Variants in PIP5K1B observed in about 807,000 individuals in gnomAD.
PIP5K1B encodes the protein phosphatidylinositol 4-phosphate 5-kinase type-1 beta.
A neutral mutation model predicts 67.0 loss-of-function variants in PIP5K1B; 42 were observed. That is an observed-to-expected ratio of 0.63 (90% CI 0.49 to 0.81). The LOEUF is 0.81. PIP5K1B is among the 30% of genes least tolerant of loss of function. The pLI, the probability that PIP5K1B is intolerant of heterozygous loss-of-function variation, is 0.00. For synonymous variants in PIP5K1B, 214 were observed against 231.4 expected, an observed-to-expected ratio of 0.92 and a Z score of 0.68; for missense variants, 459 against 646.3, an observed-to-expected ratio of 0.71 and a Z score of 3.14.
At chr9:68,847,412 T>TG (rs1408697235) in intron 4 of PIP5K1B, among the ~76,000 whole-genome samples, 133 of 136,786 alleles carry the variant, frequency 9.7e-4, no homozygotes, top group African/African-American at 2.1e-3. Flanking sequence ...CAGCAGTGGT[T>TG]TTGTGTGTGT....
At chr9:68,754,386 G>A (rs905182325) in intron 2 of PIP5K1B, among the ~76,000 whole-genome samples, 1 of 150,828 alleles carries the variant, frequency 6.6e-6, no homozygotes, top group East Asian at 2.0e-4. Flanking sequence ...AGCCAGGATG[G>A]TCTCAATCTC....
intron 4 of PIP5K1B, among the ~76,000 whole-genome samples, chr9:68,861,094 T>C (rs1416886013): frequency 1.3e-5 from 2 of 152,226 alleles, no homozygotes; most frequent in Non-Finnish European, 2.9e-5. Flanking sequence ...TGGCATAAAT[T>C]AGTTGGTCAA....
chr9:68,870,135 C>A lies in PIP5K1B; in HGVS notation c.200+6168C>A, dbSNP rs555831312. On this transcript the variant is annotated intron_variant, in intron 5 of 15. Transcript: ENST00000265382. ...GCACTGGATATTATACAATATTCTA[C>A]TTTATTTGAAGTTATCTTCAAGCAC... is the stretch of plus-strand genomic sequence containing the variant. Among the ~76,000 whole-genome samples the A allele has an allele frequency of 2.0e-5, 3 of 152,280 alleles. No individual in the cohort carries two copies. In the South Asian group the frequency reaches 6.2e-4, roughly 32 times the overall value.
chr9:68,828,121 C>T (rs550476755), intron 4 of PIP5K1B, among the ~76,000 whole-genome samples: 1 of 152,330 alleles, frequency 6.6e-6, no homozygotes, highest in South Asian at 2.1e-4. Flanking sequence ...CCTTGACTGT[C>T]ATGGGAAACG....
At chr9:68,846,944 A>G (rs1423394262) in intron 4 of PIP5K1B, among the ~76,000 whole-genome samples, 1 of 152,216 alleles carries the variant, frequency 6.6e-6, no homozygotes, top group Non-Finnish European at 1.5e-5. Context: ...TGTCTTTTAT[A>G]TATCAAGAAA....
At position 68,889,077 on chromosome 9, in the gene PIP5K1B, A is replaced by G. The variant is rs1194247855; in HGVS notation, c.415A>G (p.Thr139Ala). Residue 139 changes from threonine to alanine, a missense_variant, in exon 7 of 16, where the codon ACA becomes GCA. Thr to Ala is a moderately conservative substitution (Grantham distance 58, BLOSUM62 0). Transcript: ENST00000265382. ...VTSDDEFIIK[T>A]VQHKEAEFLQ... is the part of the protein sequence containing the mutation. ...CAGTGATGATGAATTTATCATCAAA[A>G]CAGTTCAGCACAAAGAAGCTGAGTT... 6.2e-7 allele frequency: 1 copy of G among 1,613,478 alleles called. No homozygotes were observed. Among genetic ancestry groups the G allele is most frequent in the African/African-American group, 1.3e-5 (1 of 74,904 alleles).
intron 1 of PIP5K1B, among the ~76,000 whole-genome samples, chr9:68,712,191 G>A (rs1408957015): frequency 3.9e-5 from 6 of 152,092 alleles, no homozygotes; most frequent in East Asian, 3.9e-4. Context: ...GTTTCAAAGC[G>A]TGTGGCATCT....
chr9:68,921,337 TCTTA>T (rs959771394), intron 11 of PIP5K1B, among the ~76,000 whole-genome samples: 2 of 151,952 alleles, frequency 1.3e-5, no homozygotes, highest in African/African-American at 4.8e-5. Flanking sequence ...TTAACCTCAA[TCTTA>T]CTGAGATCAA....
intron 1 of PIP5K1B, among the ~76,000 whole-genome samples, chr9:68,711,371 A>G (rs1827384339): frequency 6.6e-6 from 1 of 152,262 alleles, no homozygotes; most frequent in Admixed American, 6.5e-5. Flanking sequence ...TTAAAAAGCA[A>G]TGCAACGACC....
chr9:68,709,282 C>T (rs945507447), intron 1 of PIP5K1B, among the ~76,000 whole-genome samples: 6 of 151,908 alleles, frequency 3.9e-5, no homozygotes, highest in African/African-American at 1.2e-4. Context: ...CATTCTGTTT[C>T]CCAGGCTGGA....
At chr9:68,770,284 A>G (rs1830614882) in intron 2 of PIP5K1B, among the ~76,000 whole-genome samples, 2 of 152,196 alleles carry the variant, frequency 1.3e-5, no homozygotes, top group African/African-American at 2.4e-5. Flanking sequence ...CTCCGACTTC[A>G]TTATACCTAC....
chr9:68,947,095 C>T (rs1456176834), intron 14 of PIP5K1B, among the ~76,000 whole-genome samples: 1 of 152,116 alleles, frequency 6.6e-6, no homozygotes, highest in Non-Finnish European at 1.5e-5. Flanking sequence ...ATGTTTTTGA[C>T]AAAAAGCCAT....
At chr9:68,970,716 C>T (rs909295156) in intron 14 of PIP5K1B, among the ~76,000 whole-genome samples, 2 of 152,218 alleles carry the variant, frequency 1.3e-5, no homozygotes, top group African/African-American at 4.8e-5. Flanking sequence ...TAAGAAATCA[C>T]ATATAAACAT....
intron 2 of PIP5K1B, among the ~76,000 whole-genome samples, chr9:68,757,125 C>A (rs901771381): frequency 2.6e-5 from 4 of 152,074 alleles, no homozygotes; most frequent in African/African-American, 9.7e-5. Flanking sequence ...TTCCCAAGAA[C>A]AGAAACAAGC....
Position 68,940,672 on chromosome 9 carries a change from C to T in PIP5K1B, c.1384C>T (p.Leu462=). Residue 462 remains leucine (L), a synonymous_variant, in exon 14 of 16, where the codon CTG becomes TTG. Transcript: ENST00000265382. The stretch of plus-strand genomic sequence containing the variant: ...CCTGGGATCCCGACACAGGCCAGAC[C>T]TGGTCCCTAGCACTCCATCACTGTT... ...EALGSRHRPD[L]VPSTPSLFEA... is the part of the protein sequence containing the mutation. 6.2e-7 allele frequency: 1 copy of T among 1,614,012 alleles called. No individual in the cohort carries two copies. Among genetic ancestry groups the T allele is most frequent in the Non-Finnish European group, 8.5e-7 (1 of 1,179,910 alleles).
chr9:68,719,665 T>C (rs1417753702), intron 1 of PIP5K1B, among the ~76,000 whole-genome samples: 1 of 152,198 alleles, frequency 6.6e-6, no homozygotes, highest in African/African-American at 2.4e-5. Context: ...TCTCTCCTGC[T>C]AAGGGTTAAG....
intron 2 of PIP5K1B, among the ~76,000 whole-genome samples, chr9:68,774,592 T>G (rs1830822246): frequency 3.9e-5 from 6 of 152,228 alleles, no homozygotes; most frequent in Admixed American, 3.9e-4. Flanking sequence ...TTTCCATATG[T>G]GTACACCCAT....
At chr9:68,810,342 G>A (rs930767977) in intron 2 of PIP5K1B, among the ~76,000 whole-genome samples, 2 of 152,362 alleles carry the variant, frequency 1.3e-5, no homozygotes, top group Middle Eastern at 3.4e-3. Flanking sequence ...TGGAGTTAGC[G>A]CAATTCATAA....
At chr9:68,858,990 A>C (rs1045005129) in intron 4 of PIP5K1B, among the ~76,000 whole-genome samples, 11 of 152,186 alleles carry the variant, frequency 7.2e-5, no homozygotes, top group African/African-American at 2.7e-4. Flanking sequence ...GCTGCTTCTC[A>C]GCTTTTATCA....
Sources: allele counts gnomAD v4.1 joint callset (sites outside exome capture counted in the v4.1 genomes callset), GRCh38; gene constraint gnomAD v4.1.1; transcripts MANE v1.5; gene names NCBI Gene and HGNC (gene_info 2026-07-23, HGNC 2026-07-21).